The following GAS7 variants were observed in gnomAD, a reference collection of about 807,000 sequenced individuals.
GAS7 encodes growth arrest-specific protein 7.
A neutral mutation model predicts 71.1 loss-of-function variants in GAS7; 28 were observed. The observed-to-expected ratio is 0.39, with a 90% CI of 0.29 to 0.54. The LOEUF (loss-of-function observed/expected upper bound fraction) is 0.54. Among genes scored for constraint, GAS7 ranks in the 20% least tolerant of loss-of-function variants. The pLI is 0.62. For missense variants in GAS7, 436 were observed against 627.8 expected (o/e 0.69, Z 3.27); for synonymous variants, 258 against 245.8 (o/e 1.05, Z -0.46).
In GAS7 at chr17:9,919,579, T is replaced by C; in HGVS notation, c.1218+47A>G. Reference sequence around the variant, plus strand: ...CACCAACAACCACCAGGGGCTGCTCTGTGTCAGCCTCTGTACTGCCATGTC... The same window carrying C: ...CACCAACAACCACCAGGGGCTGCTCCGTGTCAGCCTCTGTACTGCCATGTC... On this transcript the variant is annotated intron_variant, in intron 12 of 13. Coordinates refer to ENST00000432992, the MANE Select transcript of GAS7 (RefSeq NM_201433.2). The surrounding 1 kb of genome is among the most constrained non-coding windows in gnomAD (Gnocchi z 5.0). 7.4e-7 allele frequency: 1 copy of C among 1,354,276 alleles called. No individual in the cohort carries two copies. The highest frequency in any genetic ancestry group is 1.1e-6 in the Non-Finnish European group (1 of 942,272). 83.9% of individuals were successfully genotyped at this position (1,354,276 alleles called of 1,614,324 possible). A position where few individuals can be genotyped will look rare whatever the true frequency, so the allele number is the denominator to read the frequency against.
chr17:10,047,664 C>T (rs1403219039), intron 1 of GAS7, among the ~76,000 whole-genome samples: 2 of 151,218 alleles, frequency 1.3e-5, no homozygotes, highest in African/African-American at 2.4e-5. Context: ...AGAGGAACAG[C>T]AAATCATAAC....
At chr17:10,115,305 TG>T (rs2073850772) in intron 1 of GAS7, among the ~76,000 whole-genome samples, 3 of 152,240 alleles carry the variant, frequency 2.0e-5, no homozygotes, top group African/African-American at 7.2e-5. Context: ...GAGCCCCCCG[TG>T]GGACTGGCGG....
At position 9,931,055 on chromosome 17, in the gene GAS7, C is replaced by G. The variant is rs377667139; in HGVS notation, c.885+3111G>C. On this transcript the variant is annotated intron_variant, in intron 9 of 13. Transcript: ENST00000432992. The stretch of plus-strand genomic sequence containing the variant: ...CCCATTGGCAACCCCTGGAAAGGCA[C>G]AGGCTCAAGAAGAGGCTGTGTTTTC... Among the ~76,000 whole-genome samples, 4 of 152,320 alleles carry G rather than the reference C, an allele frequency of 2.6e-5. 1 individual carries two copies. Among genetic ancestry groups the G allele is most frequent in the East Asian group, 1.9e-4 (1 of 5,180 alleles).
chr17:9,925,454 C>G (rs536154193), intron 11 of GAS7, 22 bp downstream of exon 11: 7 of 1,613,430 alleles, frequency 4.3e-6, no homozygotes, highest in Non-Finnish European at 5.9e-6. Flanking sequence ...CTGACCAGGC[C>G]AGGCGGGTGC....
intron 1 of GAS7, among the ~76,000 whole-genome samples, chr17:10,076,758 C>T (rs2073398428): frequency 6.6e-6 from 1 of 152,202 alleles, no homozygotes; most frequent in Non-Finnish European, 1.5e-5. Context: ...ACGAGCTGAA[C>T]TGTCTCTTCC....
chr17:10,167,044 C>CTTTTTTTTT (rs1164151104), intron 1 of GAS7, among the ~76,000 whole-genome samples: 844 of 58,772 alleles, frequency 0.014, 161 homozygotes, highest in African/African-American at 0.031. Context: ...TTCCATTTGT[C>CTTTTTTTTT]TTTTTTTTTT....
At chr17:10,095,009 A>G (rs756250984) in intron 1 of GAS7, among the ~76,000 whole-genome samples, 20 of 152,088 alleles carry the variant, frequency 1.3e-4, no homozygotes, top group Non-Finnish European at 2.4e-4. Context: ...CGCCACATGC[A>G]ATCTTTCCAC....
At chr17:9,958,337 T>G (rs1479874890) in intron 5 of GAS7, among the ~76,000 whole-genome samples, 1 of 152,174 alleles carries the variant, frequency 6.6e-6, no homozygotes, top group African/African-American at 2.4e-5. Context: ...TTGCAGCAAT[T>G]GTTATTGTTA....
At chr17:9,982,318 G>A (rs1460896353) in intron 2 of GAS7, among the ~76,000 whole-genome samples, 1 of 152,192 alleles carries the variant, frequency 6.6e-6, no homozygotes, top group African/African-American at 2.4e-5. Context: ...AAACTCCAAA[G>A]CACAGAGGTG....
intron 1 of GAS7, among the ~76,000 whole-genome samples, chr17:10,095,814 A>AT (rs1317756062): frequency 2.6e-5 from 4 of 151,914 alleles, no homozygotes; most frequent in South Asian, 4.2e-4. Context: ...AAAAAAAAAA[A>AT]AAAATAAGGT....
At chr17:10,182,732 T>C (rs1277649697) in intron 1 of GAS7, among the ~76,000 whole-genome samples, 2 of 152,178 alleles carry the variant, frequency 1.3e-5, no homozygotes, top group Non-Finnish European at 2.9e-5. Flanking sequence ...ACCGCCACCA[T>C]CTGCAGTGTA....
intron 1 of GAS7, among the ~76,000 whole-genome samples, chr17:10,064,924 C>A (rs192828076): frequency 3.2e-4 from 49 of 152,306 alleles, no homozygotes; most frequent in Admixed American, 3.1e-3. Context: ...AACTCCTAGG[C>A]TCAAGTGATC....
intron 1 of GAS7, among the ~76,000 whole-genome samples, chr17:10,129,653 T>C (rs2073980797): frequency 6.6e-6 from 1 of 152,188 alleles, no homozygotes; most frequent in Non-Finnish European, 1.5e-5. Context: ...AAAAAATCGG[T>C]AAACTGGTCT....
intron 1 of GAS7, among the ~76,000 whole-genome samples, chr17:10,122,741 A>T (rs542770362): frequency 2.6e-5 from 4 of 152,358 alleles, no homozygotes; most frequent in African/African-American, 9.6e-5. Context: ...TGAAATATCT[A>T]GAACAGTGCA....
intron 1 of GAS7, among the ~76,000 whole-genome samples, chr17:10,032,113 A>G (rs564549622): frequency 7.1e-4 from 101 of 142,728 alleles, no homozygotes; most frequent in South Asian, 1.3e-3. Context: ...GAACCTCAGA[A>G]AAAAAAAAAA....
chr17:9,933,512 G>T (rs2068281629), intron 9 of GAS7, among the ~76,000 whole-genome samples: 2 of 152,256 alleles, frequency 1.3e-5, no homozygotes, highest in African/African-American at 4.8e-5. Context: ...AAAAGGAAAT[G>T]ATATGAACTT....
intron 6 of GAS7, among the ~76,000 whole-genome samples, chr17:9,944,425 A>T (rs560184589): frequency 6.6e-6 from 1 of 152,346 alleles, no homozygotes; most frequent in Admixed American, 6.5e-5. Context: ...GCTCAGCTGC[A>T]GGGTGTCCAA....
intron 1 of GAS7, among the ~76,000 whole-genome samples, chr17:10,070,341 C>CTTTTTTTTTTTTTTTTTT (rs71365713): frequency 1.9e-5 from 2 of 106,132 alleles, no homozygotes; most frequent in Admixed American, 1.2e-4. Flanking sequence ...TCTCTCTCTT[C>CTTTTTTTTTTTTTTTTTT]TTTTTTTTTT....
intron 1 of GAS7, among the ~76,000 whole-genome samples, chr17:10,041,782 C>T (rs1183453320): frequency 6.6e-6 from 1 of 152,124 alleles, no homozygotes; most frequent in Non-Finnish European, 1.5e-5. Context: ...ACATATGAAG[C>T]CACACACACG....
Sources: allele counts gnomAD v4.1 joint callset (sites outside exome capture counted in the v4.1 genomes callset), GRCh38; gene constraint gnomAD v4.1.1; non-coding constraint Gnocchi (gnomAD v3.1); transcripts MANE v1.5; gene names NCBI Gene and HGNC (gene_info 2026-07-23, HGNC 2026-07-21).